The following GRIN1 variants were observed in gnomAD, a reference collection of about 807,000 sequenced individuals.
The protein encoded by GRIN1 is glutamate ionotropic receptor NMDA type subunit 1, also known as glutamate receptor ionotropic, NMDA 1.
A neutral mutation model predicts 103.0 loss-of-function variants in GRIN1; 38 were observed. That is an observed-to-expected ratio of 0.37 (90% CI 0.28 to 0.48). The LOEUF (loss-of-function observed/expected upper bound fraction) is 0.48. Ranked by LOEUF, GRIN1 falls within the 20% of genes least tolerant of loss-of-function variation. GRIN1 has a pLI of 0.98. For missense variants in GRIN1, 577 were observed against 1,288.9 expected, an observed-to-expected ratio of 0.45 and a Z score of 8.46; for synonymous variants, 544 against 532.7, an observed-to-expected ratio of 1.02 and a Z score of -0.29.
intron 15 of GRIN1, 61 bp from the exon 16 acceptor site, chr9:137,163,108 C>T (rs1588733788): frequency 1.4e-5 from 22 of 1,595,038 alleles, no homozygotes; most frequent in East Asian, 4.5e-5. Flanking sequence ...CCGGAGGGCG[C>T]GGGCGTGGGG....
chr9:137,166,045 T>A (rs1013946208), intron 19 of GRIN1, among the ~76,000 whole-genome samples: 1 of 150,768 alleles, frequency 6.6e-6, no homozygotes, highest in Non-Finnish European at 1.5e-5. Context: ...CTGCAGGAGG[T>A]GTGGCGGCAG....
intron 4 of GRIN1, among the ~76,000 whole-genome samples, chr9:137,155,816 A>G (rs915417517): frequency 3.3e-5 from 5 of 152,254 alleles, no homozygotes; most frequent in African/African-American, 1.2e-4. Context: ...GCAGAGCTCA[A>G]GACCACACAT....
rs749030075 is a variant in GRIN1, at chr9:137,162,881, G to T, written c.2049G>T (p.Thr683=). ...CCTCGGACAAGTTTATCTACGCCAC[G>T]GTGAAGCAGAGCTCCGTGGATATCT... ...RNPSDKFIYA[T]VKQSSVDIYF... The change falls in exon 15 of 20, where the codon ACG becomes ACT. Residue 683 remains threonine (T), a synonymous_variant. Transcript: ENST00000371561. The T allele has an allele frequency of 1.2e-5, 20 of 1,612,020 alleles. No individual in the cohort carries two copies. The highest frequency in any genetic ancestry group is 2.5e-6 in the Non-Finnish European group (3 of 1,179,646).
At chr9:137,164,655 G>T (rs1382451265) in intron 18 of GRIN1, 1 of 182,906 alleles carries the variant, frequency 5.5e-6, no homozygotes, top group Non-Finnish European at 1.2e-5. Flanking sequence ...GGTCCCCTGG[G>T]GACCTGGCCG....
chr9:137,163,497 CAGCTTGCT>C, intron 16 of GRIN1, 54 bp from the exon 17 acceptor site: 2 of 1,358,980 alleles, frequency 1.5e-6, no homozygotes, highest in Non-Finnish European at 2.1e-6. Flanking sequence ...GCCCCGCCCC[CAGCTTGCT>C]CCTTCCCGTC....
intron 6 of GRIN1, 50 bp downstream of exon 6, chr9:137,157,087 G>A (rs756389179): frequency 1.3e-6 from 2 of 1,509,590 alleles, no homozygotes; most frequent in South Asian, 1.2e-5. Context: ...GGGGAGGTGG[G>A]CGGGGTCACT....
chr9:137,162,331 C>A (rs1489290920), intron 12 of GRIN1, 41 bp downstream of exon 12: 4 of 1,547,798 alleles, frequency 2.6e-6, no homozygotes, highest in East Asian at 2.4e-5. Context: ...ATCTGCGGGG[C>A]GCGGAGCCGG....
intron 19 of GRIN1, among the ~76,000 whole-genome samples, chr9:137,166,395 C>G (rs1833879463): frequency 6.6e-6 from 1 of 152,238 alleles, no homozygotes; most frequent in African/African-American, 2.4e-5. Flanking sequence ...GAGACCTCAG[C>G]CCCGTGGCCA....
intron 4 of GRIN1, among the ~76,000 whole-genome samples, chr9:137,154,432 CTTTTT>C (rs543160973): frequency 7.0e-5 from 3 of 42,958 alleles, no homozygotes; most frequent in African/African-American, 1.9e-4. Context: ...GCTCCAACAA[CTTTTT>C]TTTTTTTTTT....
intron 3 of GRIN1, 50 bp from the exon 4 acceptor site, chr9:137,148,959 G>A (rs201360735): frequency 2.7e-5 from 36 of 1,333,442 alleles, no homozygotes; most frequent in East Asian, 2.4e-4. Flanking sequence ...CCCCTGAGGC[G>A]CTATGTCCCC....
chr9:137,142,236 A>G (rs1038649334), intron 2 of GRIN1, 89 bp downstream of exon 2: 82 of 1,350,490 alleles, frequency 6.1e-5, no homozygotes, highest in Non-Finnish European at 1.7e-5. Flanking sequence ...ACCCGCTCAC[A>G]TGGAACTCAC....
intron 18 of GRIN1, 187 bp downstream of exon 18, chr9:137,164,091 G>T: frequency 1.4e-6 from 1 of 733,862 alleles, no homozygotes. Flanking sequence ...GCTGCCTGCA[G>T]GTGGCTGCCC....
intron 4 of GRIN1, among the ~76,000 whole-genome samples, chr9:137,150,419 C>T: frequency 6.8e-6 from 1 of 146,004 alleles, no homozygotes; most frequent in Non-Finnish European, 1.5e-5. Flanking sequence ...AGGGAAAGCC[C>T]CACCCAGGGA....
chr9:137,140,748 G>A (rs11496819), intron 1 of GRIN1, among the ~76,000 whole-genome samples: 2 of 152,334 alleles, frequency 1.3e-5, no homozygotes, highest in East Asian at 3.9e-4. Context: ...CCTAGCACAC[G>A]CGTGAACACC....
chr9:137,161,002 G>A, intron 8 of GRIN1, 54 bp from the exon 9 acceptor site: 1 of 1,610,252 alleles, frequency 6.2e-7, no homozygotes, highest in Non-Finnish European at 8.5e-7. Flanking sequence ...AGAGACTGCC[G>A]CCCTGGGCAG....
At chr9:137,164,245 C>T (rs1416503017) in intron 18 of GRIN1, 1 of 399,216 alleles carries the variant, frequency 2.5e-6, no homozygotes, top group Non-Finnish European at 4.8e-6. Flanking sequence ...GTGTATGGCA[C>T]GTGAGTCCAA....
chr9:137,166,919 G>A (rs1564367987), intron 19 of GRIN1, among the ~76,000 whole-genome samples: 1 of 152,192 alleles, frequency 6.6e-6, no homozygotes, highest in Non-Finnish European at 1.5e-5. Flanking sequence ...AGCCACGGGG[G>A]GCAAGCACAA....
intron 12 of GRIN1, 40 bp from the exon 13 acceptor site, chr9:137,162,364 T>C: frequency 3.9e-6 from 6 of 1,543,042 alleles, no homozygotes; most frequent in Non-Finnish European, 5.2e-6. Context: ...CAGGGCCGCC[T>C]CTCCCGCCCT....
Position 137,145,891 on chromosome 9 carries a change from C to G in GRIN1, c.559C>G (p.Arg187Gly). Reference sequence around the variant, plus strand: ...ACGCCTGGAGACGCTGCTGGAGGAGCGTGAGTCCAAGGTGAGGGTCGGCGC... The same window carrying G: ...ACGCCTGGAGACGCTGCTGGAGGAGGGTGAGTCCAAGGTGAGGGTCGGCGC... Reference protein sequence around the residue: ...QKRLETLLEERESKAEKVLQF... With the variant: ...QKRLETLLEEGESKAEKVLQF... The change falls in exon 3 of 20, where the codon CGT becomes GGT. Residue 187 changes from arginine to glycine, a missense_variant. Physicochemically the swap from Arg to Gly is moderately radical, Grantham distance 125 (BLOSUM62 -2). Around this residue, in one of 9 missense-constraint regions of GRIN1, gnomAD observed 308 missense variants for 553.6 expected, o/e 0.56. Coordinates refer to ENST00000371561, the MANE Select transcript of GRIN1 (RefSeq NM_007327.4). 1 of 1,603,808 alleles carries G rather than the reference C, an allele frequency of 6.2e-7. No individual in the cohort carries two copies. Among genetic ancestry groups the G allele is most frequent in the Non-Finnish European group, 8.5e-7 (1 of 1,175,384 alleles).
Sources: allele counts gnomAD v4.1 joint callset (sites outside exome capture counted in the v4.1 genomes callset), GRCh38; gene constraint gnomAD v4.1.1; regional missense constraint gnomAD v4.1.1; transcripts MANE v1.5; gene names NCBI Gene and HGNC (gene_info 2026-07-23, HGNC 2026-07-21).